The following NTM variants were observed in gnomAD, a reference collection of about 807,000 sequenced individuals.
The protein encoded by NTM is IgLON family member 2.
NTM carries 13 observed loss-of-function variants against 42.1 expected under a neutral mutation model. That is an observed-to-expected ratio of 0.31 (90% CI 0.20 to 0.49). NTM has a LOEUF of 0.49. Among genes scored for constraint, NTM ranks in the 20% least tolerant of loss-of-function variants. The pLI is 0.99. For synonymous variants in NTM, 187 were observed against 179.2 expected, an observed-to-expected ratio of 1.04 and a Z score of -0.35; for missense variants, 373 against 452.8, an observed-to-expected ratio of 0.82 and a Z score of 1.60.
At position 132,003,820 on chromosome 11, in the gene NTM, T is replaced by C. The variant is rs1172064598; in HGVS notation, c.167+92172T>C. On this transcript the variant is annotated intron_variant, in intron 2 of 8. Transcript: ENST00000683400. The surrounding 1 kb of genome is among the most constrained non-coding windows in gnomAD (Gnocchi z 6.0). ...CTGCCACTTACAGAACCAGCTTCAT[T>C]GAGATGTTGTTTAAAATTGATTTCT... Among the ~76,000 whole-genome samples the C allele has an allele frequency of 6.6e-6, 1 of 152,130 alleles. No individual in the cohort carries two copies. The highest frequency in any genetic ancestry group is 1.5e-5 in the Non-Finnish European group (1 of 68,026).
At position 131,682,096 on chromosome 11, in the gene NTM, C is replaced by T. The variant is rs78256893; in HGVS notation, c.83-229468C>T. Among the ~76,000 whole-genome samples, 424 of 152,244 alleles carry T rather than the reference C, an allele frequency of 2.8e-3. 2 individuals are homozygous for T. The highest frequency in any genetic ancestry group is 9.4e-3 in the African/African-American group (389 of 41,540). ...GACGCACCTAGTGACACCTTTCACC[C>T]GCCCTCCACGGGCAGTGGCTGGGTC... On this transcript the variant is annotated intron_variant, in intron 1 of 8. Transcript: ENST00000683400.
At chr11:131,787,670 C>A (rs982700743) in intron 1 of NTM, among the ~76,000 whole-genome samples, 2 of 152,148 alleles carry the variant, frequency 1.3e-5, no homozygotes, top group African/African-American at 4.8e-5. Flanking sequence ...GTGTGAGCCA[C>A]GGCGCTCGGC....
chr11:131,646,032 A>G (rs2065731997), intron 1 of NTM, among the ~76,000 whole-genome samples: 1 of 152,250 alleles, frequency 6.6e-6, no homozygotes, highest in South Asian at 2.1e-4. Context: ...TAGAAGCTGC[A>G]TGTATGTGCA....
chr11:131,554,808 G>T (rs938984479), intron 1 of NTM, among the ~76,000 whole-genome samples: 14 of 152,124 alleles, frequency 9.2e-5, no homozygotes, highest in African/African-American at 3.4e-4. Context: ...CTCAGCCTCT[G>T]CTTGGATGCA....
At chr11:132,082,812 C>T (rs1003516601) in intron 2 of NTM, among the ~76,000 whole-genome samples, 7 of 152,140 alleles carry the variant, frequency 4.6e-5, no homozygotes, top group South Asian at 2.1e-4. Flanking sequence ...GTTGCATGAC[C>T]GTTTGGAGTT....
intron 1 of NTM, chr11:131,660,248 T>C (rs2067816611): frequency 3.0e-6 from 1 of 337,354 alleles, no homozygotes; most frequent in Admixed American, 3.8e-5. Flanking sequence ...CCCATTCAGG[T>C]GGTTGTTGGC....
chr11:132,027,855 TA>T (rs1316039650), intron 2 of NTM, among the ~76,000 whole-genome samples: 1 of 152,228 alleles, frequency 6.6e-6, no homozygotes, highest in Non-Finnish European at 1.5e-5. Context: ...CTACGTCTAG[TA>T]ATCCCATTGC....
chr11:132,259,296 C>G (rs760459682), intron 4 of NTM, among the ~76,000 whole-genome samples: 9 of 152,046 alleles, frequency 5.9e-5, no homozygotes, highest in Non-Finnish European at 1.2e-4. Context: ...GACCTTGAGG[C>G]AGGGTGAGGA....
intron 1 of NTM, among the ~76,000 whole-genome samples, chr11:131,710,180 A>G (rs923822646): frequency 6.6e-6 from 1 of 152,126 alleles, no homozygotes; most frequent in Admixed American, 6.5e-5. Flanking sequence ...TCTTTCACCA[A>G]CTCAGGACAA....
In NTM at chr11:131,863,692, T is replaced by C. The variant is rs1488826613; in HGVS notation, c.83-47872T>C. ...GTCTGACGTCCACAAGAGCGGGATATGGAGAAACATGAGCACAGACTCAGG... is the reference window on the plus strand; with the variant it reads ...GTCTGACGTCCACAAGAGCGGGATACGGAGAAACATGAGCACAGACTCAGG... On this transcript the variant is annotated intron_variant, in intron 1 of 8. Transcript: ENST00000683400. Among the ~76,000 whole-genome samples the C allele has an allele frequency of 2.6e-5, 4 of 152,300 alleles. No homozygotes were observed. In the East Asian group the frequency reaches 7.7e-4, roughly 29 times the overall value.
chr11:131,416,360 A>G (rs185236764), intron 1 of NTM, among the ~76,000 whole-genome samples: 3 of 152,282 alleles, frequency 2.0e-5, no homozygotes, highest in Admixed American at 6.5e-5. Context: ...ATTTTTTACC[A>G]TTATTATTTC....
intron 1 of NTM, chr11:131,771,166 C>T (rs1263825187): frequency 6.6e-6 from 1 of 152,182 alleles, no homozygotes; most frequent in African/African-American, 2.4e-5. Context: ...TCCATGGCAT[C>T]TTGGAAATTC....
intron 2 of NTM, among the ~76,000 whole-genome samples, chr11:131,951,821 C>CAA (rs11366451): frequency 8.7e-4 from 61 of 70,014 alleles, no homozygotes; most frequent in South Asian, 1.7e-3. Flanking sequence ...GACTCCGTCT[C>CAA]AAAAAAAAAA....
In NTM at chr11:131,820,085, G is replaced by A. The variant is rs117172631; in HGVS notation, c.83-91479G>A. 2.6e-3 allele frequency among the ~76,000 whole-genome samples: 390 copies of A among 152,322 alleles called. 1 individual carries two copies. Among genetic ancestry groups the A allele is most frequent in the Non-Finnish European group, 3.7e-3 (255 of 68,040 alleles). On this transcript the variant is annotated intron_variant, in intron 1 of 8. Coordinates refer to ENST00000683400, the MANE Select transcript of NTM (RefSeq NM_001352005.2). Reference sequence around the variant, plus strand: ...TCTTATTAACTAACAGAGAATTGCAGGCAGCTTGAAGCCCGCTGAGAGAAA... The same window carrying A: ...TCTTATTAACTAACAGAGAATTGCAAGCAGCTTGAAGCCCGCTGAGAGAAA...
chr11:131,706,151 T>C (rs1160121008), intron 1 of NTM, among the ~76,000 whole-genome samples: 2 of 151,920 alleles, frequency 1.3e-5, no homozygotes, highest in Non-Finnish European at 2.9e-5. Context: ...AGATAATACA[T>C]GCAGATGGTA....
rs775947641 is a variant in NTM, at chr11:131,505,234, C to A, written c.82+134346C>A. 2.9e-4 allele frequency among the ~76,000 whole-genome samples: 44 copies of A among 152,256 alleles called. No homozygotes were observed. The Middle Eastern group carries it at 0.017, about 59-fold the overall frequency. Reference sequence around the variant, plus strand: ...CACAAAGTAGGGATTTAAAAATGCTCTTTAATCTGTGGTCTATGGTAACTA... The same window carrying A: ...CACAAAGTAGGGATTTAAAAATGCTATTTAATCTGTGGTCTATGGTAACTA... On this transcript the variant is annotated intron_variant, in intron 1 of 8. Coordinates refer to ENST00000683400, the MANE Select transcript of NTM (RefSeq NM_001352005.2).
chr11:131,560,720 G>A (rs897307570), intron 1 of NTM, among the ~76,000 whole-genome samples: 3 of 152,172 alleles, frequency 2.0e-5, no homozygotes, highest in Middle Eastern at 3.4e-3. Flanking sequence ...ATAAACAATC[G>A]CTCTCTCATT....
At chr11:132,165,254 C>T (rs2075087992) in intron 3 of NTM, among the ~76,000 whole-genome samples, 1 of 152,198 alleles carries the variant, frequency 6.6e-6, no homozygotes, top group Non-Finnish European at 1.5e-5. Flanking sequence ...TCTGTATCAG[C>T]AGTCTTGGAG....
chr11:131,776,201 T>C (rs185332600), intron 1 of NTM, among the ~76,000 whole-genome samples: 386 of 152,350 alleles, frequency 2.5e-3, no homozygotes, highest in African/African-American at 8.7e-3. Flanking sequence ...TAGTAGACAT[T>C]TGTGGCTCAA....
Sources: gnomAD v4.1 joint callset for allele counts (sites outside exome capture counted in the v4.1 genomes callset) on GRCh38, gnomAD v4.1.1 for gene constraint, Gnocchi (gnomAD v3.1) non-coding constraint, MANE v1.5 for transcripts, NCBI Gene and HGNC (gene_info 2026-07-23, HGNC 2026-07-21) for gene names.